Variants in DTNA observed in about 807,000 individuals in gnomAD.
The protein encoded by DTNA is dystrobrevin alpha.
In DTNA, 43 loss-of-function variants were observed where a neutral mutation model predicts 100.7. That is an observed-to-expected ratio of 0.43 (90% CI 0.33 to 0.55). The LOEUF (loss-of-function observed/expected upper bound fraction) is 0.55. Among genes scored for constraint, DTNA ranks in the 20% least tolerant of loss-of-function variants. The pLI, the probability that DTNA is intolerant of heterozygous loss-of-function variation, is 0.04. For missense variants in DTNA, 798 were observed against 953.9 expected (o/e 0.84, Z 2.15); for synonymous variants, 349 against 347.9 (o/e 1.00, Z -0.04).
At chr18:34,772,185 C>T (rs1601763044) in intron 3 of DTNA, among the ~76,000 whole-genome samples, 1 of 152,110 alleles carries the variant, frequency 6.6e-6, no homozygotes. Context: ...TTAGTCATAT[C>T]AACTAAAATT....
At chr18:34,605,075 A>G (rs1448917752) in intron 1 of DTNA, among the ~76,000 whole-genome samples, 1 of 152,060 alleles carries the variant, frequency 6.6e-6, no homozygotes, top group Non-Finnish European at 1.5e-5. Context: ...AAATGGAAAA[A>G]CAATGGGCAT....
chr18:34,583,419 A>G (rs529035197), intron 1 of DTNA, among the ~76,000 whole-genome samples: 59 of 152,260 alleles, frequency 3.9e-4, no homozygotes, highest in Middle Eastern at 6.8e-3. Context: ...AGGCAGTGCT[A>G]AAGAGTGAAG....
In DTNA at chr18:34,888,735, C is replaced by T. The variant is rs145238763; in HGVS notation, c.*1001C>T. The T allele has an allele frequency of 1.2e-3, 1,192 of 985,848 alleles. 16 individuals are homozygous for T. In the African/African-American group the frequency reaches 0.019, roughly 16 times the overall value. 61.1% of individuals were successfully genotyped at this position (985,848 alleles called of 1,614,324 possible). On this transcript the variant is annotated 3_prime_UTR_variant, in exon 23 of 23. Coordinates refer to ENST00000444659, the MANE Select transcript of DTNA (RefSeq NM_001386795.1). ...TGCTCTTCCATGGTCTTGTTCCTCT[C>T]GTTTTGGCTTTAGGAAGCATGTCTT...
chr18:34,867,465 G>A (rs1027405424), intron 17 of DTNA: 2 of 1,219,838 alleles, frequency 1.6e-6, no homozygotes, highest in African/African-American at 3.1e-5. Flanking sequence ...CATACATGGG[G>A]TATTGCTATT....
rs936209338 is a variant in DTNA at position 34,807,119 on chromosome 18, G to A, written c.448+815G>A. On this transcript the variant is annotated intron_variant, in intron 5 of 22. Transcript: ENST00000444659. ...CACCCCAAGAATTTCTGACTCAGTA[G>A]GCCTAGGATGAGGGTGGGTGAAAAG... 3.9e-5 allele frequency among the ~76,000 whole-genome samples: 6 copies of A among 152,256 alleles called. No homozygotes were observed. The East Asian group carries it at 5.8e-4, about 15-fold the overall frequency.
At chr18:34,821,265 C>T (rs754781605) in intron 9 of DTNA, among the ~76,000 whole-genome samples, 1 of 152,186 alleles carries the variant, frequency 6.6e-6, no homozygotes, top group African/African-American at 2.4e-5. Flanking sequence ...TCCTTAATTT[C>T]ATATGTGCTT....
At chr18:34,600,470 G>A (rs755704347) in intron 1 of DTNA, among the ~76,000 whole-genome samples, 37 of 152,242 alleles carry the variant, frequency 2.4e-4, no homozygotes, top group Admixed American at 4.6e-4. Flanking sequence ...ATTTATAGAT[G>A]CTGAAACAAT....
At chr18:34,696,040 A>C (rs2080486315) in intron 1 of DTNA, among the ~76,000 whole-genome samples, 1 of 152,234 alleles carries the variant, frequency 6.6e-6, no homozygotes, top group African/African-American at 2.4e-5. Context: ...TGGTAAAATT[A>C]ACCCATAACA....
At chr18:34,812,145 C>A in intron 6 of DTNA, 32 bp downstream of exon 6, 1 of 1,613,474 alleles carries the variant, frequency 6.2e-7, no homozygotes, top group Non-Finnish European at 8.5e-7. Flanking sequence ...GGAAGTATCT[C>A]TTTCAAACAG....
At chr18:34,733,650 T>G (rs2147411557) in intron 1 of DTNA, among the ~76,000 whole-genome samples, 1 of 152,332 alleles carries the variant, frequency 6.6e-6, no homozygotes, top group Non-Finnish European at 1.5e-5. Context: ...ATGCAGGTGC[T>G]GCCCTCACAA....
chr18:34,642,003 A>G (rs2059328599), intron 1 of DTNA, among the ~76,000 whole-genome samples: 3 of 152,208 alleles, frequency 2.0e-5, no homozygotes, highest in Admixed American at 1.3e-4. Context: ...CCATTATTAT[A>G]TAAGGATTGT....
chr18:34,566,637 C>G (rs1392229819), intron 1 of DTNA, among the ~76,000 whole-genome samples: 2 of 152,288 alleles, frequency 1.3e-5, no homozygotes, highest in African/African-American at 4.8e-5. Context: ...TACTTGTAAC[C>G]TCTCTTCTCG....
At chr18:34,821,293 A>G (rs554916969) in intron 9 of DTNA, among the ~76,000 whole-genome samples, 100 of 152,298 alleles carry the variant, frequency 6.6e-4, no homozygotes, top group Admixed American at 3.4e-3. Context: ...CAAATATAAA[A>G]GCTGTTTGTT....
At chr18:34,810,352 A>G (rs555518467) in intron 5 of DTNA, among the ~76,000 whole-genome samples, 1 of 152,146 alleles carries the variant, frequency 6.6e-6, no homozygotes, top group African/African-American at 2.4e-5. Flanking sequence ...CAATTCAGCC[A>G]TAAAAAAGAA....
chr18:34,874,360 A>G (rs942586570), intron 17 of DTNA, among the ~76,000 whole-genome samples: 1 of 152,180 alleles, frequency 6.6e-6, no homozygotes, highest in African/African-American at 2.4e-5. Flanking sequence ...CATGTGGCTG[A>G]CTTCTTTTGT....
intron 1 of DTNA, among the ~76,000 whole-genome samples, chr18:34,512,650 G>T (rs1214508812): frequency 6.6e-6 from 1 of 152,038 alleles, no homozygotes; most frequent in African/African-American, 2.4e-5. Flanking sequence ...CTCCACAATG[G>T]TGGTGGTGTT....
intron 11 of DTNA, among the ~76,000 whole-genome samples, chr18:34,831,665 G>T (rs2096013650): frequency 6.6e-6 from 1 of 152,184 alleles, no homozygotes; most frequent in Non-Finnish European, 1.5e-5. Context: ...CTACTCAGGA[G>T]GCTGAGGCAG....
chr18:34,553,868 T>A (rs993352486), intron 1 of DTNA, among the ~76,000 whole-genome samples: 4 of 152,140 alleles, frequency 2.6e-5, no homozygotes, highest in Non-Finnish European at 4.4e-5. Context: ...GGGCTCTTTT[T>A]TTGGTTCCAT....
At chr18:34,675,241 C>A (rs1344131265) in intron 1 of DTNA, among the ~76,000 whole-genome samples, 1 of 151,824 alleles carries the variant, frequency 6.6e-6, no homozygotes, top group African/African-American at 2.4e-5. Flanking sequence ...TTGCACGTAC[C>A]CACCCTGCAC....
Sources: allele counts gnomAD v4.1 joint callset (sites outside exome capture counted in the v4.1 genomes callset), GRCh38; gene constraint gnomAD v4.1.1; transcripts MANE v1.5; gene names NCBI Gene and HGNC (gene_info 2026-07-23, HGNC 2026-07-21).